The following ATG2A variants were observed in gnomAD, a reference collection of about 807,000 sequenced individuals.
ATG2A encodes autophagy related 2A, also known as autophagy-related protein 2 homolog A.
Under a neutral mutation model 214.2 loss-of-function variants are expected in ATG2A, and 103 were observed. That is an observed-to-expected ratio of 0.48 (90% CI 0.41 to 0.57). The LOEUF (loss-of-function observed/expected upper bound fraction) is 0.57, where lower values mean the gene tolerates loss of function less well. Ranked by LOEUF, ATG2A falls within the 20% of genes least tolerant of loss-of-function variation. The pLI, the probability that ATG2A is intolerant of heterozygous loss-of-function variation, is 0.00. For synonymous variants in ATG2A, 1,160 were observed against 1,142.1 expected (o/e 1.02, Z -0.32); for missense variants, 2,312 against 2,613.2 (o/e 0.88, Z 2.51).
In ATG2A at chr11:64,898,773, C is replaced by T. The variant is rs1944249436; in HGVS notation, c.4534G>A (p.Glu1512Lys). 6.2e-7 allele frequency: 1 copy of T among 1,613,740 alleles called. No homozygotes were observed. The highest frequency in any genetic ancestry group is 1.3e-5 in the African/African-American group (1 of 74,942). ...TGPAAPSQEL[E>K]ERPLSRQVFI... ...ACCTGACGGGACAGCGGTCGCTCCT[C>T]CAGCTCCTGGCTGGGGGCCGCAGGG... The change falls in exon 32 of 41, where the codon GAG becomes AAG. Residue 1512 changes from glutamate to lysine, a missense_variant. Glu to Lys is a moderately conservative substitution (Grantham distance 56). Transcript: ENST00000377264. The surrounding 1 kb of genome is among the most constrained non-coding windows in gnomAD (Gnocchi z 4.5).
rs1330480348 is a variant in ATG2A, at chr11:64,914,317, CCAGCCTCGCCCTGCCCT to C, written c.334+4_334+20del. 1 of 1,577,228 alleles carries C rather than the reference CCAGCCTCGCCCTGCCCT, an allele frequency of 6.3e-7. No homozygotes were observed. Among genetic ancestry groups the C allele is most frequent in the African/African-American group, 1.3e-5 (1 of 74,272 alleles). On this transcript the variant is annotated splice_donor_5th_base_variant and intron_variant, in intron 2 of 40. Coordinates refer to ENST00000377264, the MANE Select transcript of ATG2A (RefSeq NM_015104.3). ...GCCCACTCTCCCCACTTGCCTGCCCCCAGCCTCGCCCTGCCCTCACCTGGACCCCGGCGGGGCTGCAA... is the reference window on the plus strand; with the variant it reads ...GCCCACTCTCCCCACTTGCCTGCCCCCACCTGGACCCCGGCGGGGCTGCAA...
intron 9 of ATG2A, 131 bp from the exon 10 acceptor site, chr11:64,911,406 G>A: frequency 4.4e-6 from 4 of 908,632 alleles, no homozygotes; most frequent in Middle Eastern, 5.9e-4. Context: ...CAGAAGGCTT[G>A]GTCAGGCAGG....
intron 21 of ATG2A, 61 bp downstream of exon 21, chr11:64,906,273 A>G: frequency 6.2e-7 from 1 of 1,607,036 alleles, no homozygotes; most frequent in East Asian, 2.2e-5. Flanking sequence ...CTGGGGTCCC[A>G]CCGCACACCG....
In ATG2A at chr11:64,903,001, G is replaced by A. The variant is rs1022605267; in HGVS notation, c.3612+287C>T. On this transcript the variant is annotated intron_variant, in intron 26 of 40. Coordinates refer to ENST00000377264, the MANE Select transcript of ATG2A (RefSeq NM_015104.3). This position sits in a 1 kb window ranked among gnomAD's most constrained non-coding sequence, Gnocchi z 4.2. ...TCTCCATCTTACAGGAGATGAATCC[G>A]GGGACCTACAAAGGTGGCTGATTCC... Among the ~76,000 whole-genome samples the A allele has an allele frequency of 6.8e-6, 1 of 146,200 alleles. No individual in the cohort carries two copies. Among genetic ancestry groups the A allele is most frequent in the Non-Finnish European group, 1.5e-5 (1 of 66,894 alleles).
chr11:64,895,793 G>A lies in ATG2A; in HGVS notation c.5428-351C>T, dbSNP rs868248141. 6.6e-5 allele frequency among the ~76,000 whole-genome samples: 10 copies of A among 152,172 alleles called. No homozygotes were observed. Among genetic ancestry groups the A allele is most frequent in the South Asian group, 2.1e-4 (1 of 4,826 alleles). On this transcript the variant is annotated intron_variant, in intron 39 of 40. Coordinates refer to ENST00000377264, the MANE Select transcript of ATG2A (RefSeq NM_015104.3). The surrounding 1 kb of genome is among the most constrained non-coding windows in gnomAD (Gnocchi z 5.0). ...CCGCTCCTTGCCTGGCCCCCCAGAC[G>A]CCCCTGCCAGATGGTCAGAGGCCCA...
chr11:64,910,016 C>T, intron 13 of ATG2A, 24 bp downstream of exon 13: 1 of 1,559,588 alleles, frequency 6.4e-7, no homozygotes, highest in Admixed American at 1.8e-5. Context: ...CACCCCCGGC[C>T]TGGCCCTGGC....
At position 64,898,204 on chromosome 11, in the gene ATG2A, C is replaced by CA; in HGVS notation, c.4774-35dup. On this transcript the variant is annotated intron_variant, in intron 33 of 40. Coordinates refer to ENST00000377264, the MANE Select transcript of ATG2A (RefSeq NM_015104.3). This position sits in a 1 kb window ranked among gnomAD's most constrained non-coding sequence, Gnocchi z 4.5. ...GAGAGGTCCAGATGTGGATCAGACTCAGAGGCCTGGAGACAGTGGGGTCAC... is the reference window on the plus strand; with the variant it reads ...GAGAGGTCCAGATGTGGATCAGACTCAAGAGGCCTGGAGACAGTGGGGTCAC... The CA allele has an allele frequency of 6.2e-7, 1 of 1,613,818 alleles. No homozygotes were observed. The highest frequency in any genetic ancestry group is 1.1e-5 in the South Asian group (1 of 91,070).
At chr11:64,900,721 C>G in intron 30 of ATG2A, 92 bp from the exon 31 acceptor site, 2 of 1,463,196 alleles carry the variant, frequency 1.4e-6, no homozygotes, top group South Asian at 1.4e-5. Flanking sequence ...AAGAGACCCC[C>G]GCTAGCCCCA....
Position 64,897,891 on chromosome 11 carries a change from G to C in ATG2A, c.4942C>G (p.Pro1648Ala). The C allele has an allele frequency of 6.4e-7, 1 of 1,571,504 alleles. No individual in the cohort carries two copies. The highest frequency in any genetic ancestry group is 8.6e-7 in the Non-Finnish European group (1 of 1,158,048). The part of the protein sequence containing the change: ...GVETTGSQEA[P>A]GGGHSPSPPD... ...GGGGAGGGGCTGTGTCCACCTCCTG[G>C]GGCCTCCTGCGAACCAGTGGTCTCT... Residue 1648 changes from proline (P) to alanine (A), a missense_variant, in exon 35 of 41, where the codon CCA becomes GCA. Transcript: ENST00000377264.
intron 23 of ATG2A, 35 bp downstream of exon 23, chr11:64,905,707 C>A (rs1297380715): frequency 1.9e-6 from 3 of 1,613,550 alleles, no homozygotes; most frequent in African/African-American, 2.7e-5. Context: ...AGAGCCCATC[C>A]CCGTCCCCAG....
In ATG2A at chr11:64,910,044, A is replaced by G; in HGVS notation, c.1859T>C (p.Leu620Pro). Reference sequence around the variant, plus strand: ...GCCCTGGCAGGGGCCTCTCACCAGCAGGCCGGCTGGAGGCTCAGCAGGTAC... The same window carrying G: ...GCCCTGGCAGGGGCCTCTCACCAGCGGGCCGGCTGGAGGCTCAGCAGGTAC... ...ATVPAEPPAG[L>P]LTEPLPAMEQ... is the part of the protein sequence containing the mutation. Residue 620 changes from leucine (L) to proline (P), a missense_variant, in exon 13 of 41, where the codon CTG (leucine) becomes CCG (proline). By Grantham distance (98) the Leu-to-Pro change is moderately conservative (BLOSUM62 -3). Transcript: ENST00000377264. 6.3e-7 allele frequency: 1 copy of G among 1,577,726 alleles called. No individual in the cohort carries two copies. Among genetic ancestry groups the G allele is most frequent in the Non-Finnish European group, 8.6e-7 (1 of 1,162,792 alleles).
chr11:64,915,895 T>TCACAGACAGCAGGCCA (rs1944963187), intron 1 of ATG2A, among the ~76,000 whole-genome samples: 2 of 152,184 alleles, frequency 1.3e-5, no homozygotes, highest in African/African-American at 4.8e-5. Flanking sequence ...ACACCAGAAT[T>TCACAGACAGCAGGCCA]CACAGACAGC....
chr11:64,914,137 G>A lies in ATG2A; in HGVS notation c.431C>T (p.Ser144Phe), dbSNP rs751979027. 2.3e-5 allele frequency: 35 copies of A among 1,552,978 alleles called. No homozygotes were observed. Among genetic ancestry groups the A allele is most frequent in the Non-Finnish European group, 3.0e-5 (35 of 1,148,160 alleles). ...CCCCTCCAGGGGCTGTGGTGGCTCA[G>A]AGGGCTCCGGTAGCCCATCCCGCAG... The part of the protein sequence containing the change: ...ECLRDGLPEP[S>F]EPPQPLEGLE... Residue 144 changes from serine (S) to phenylalanine (F), a missense_variant, in exon 3 of 41, where the codon TCT (serine) becomes TTT (phenylalanine). Ser to Phe is a radical substitution (Grantham distance 155). Coordinates refer to ENST00000377264, the MANE Select transcript of ATG2A (RefSeq NM_015104.3).
At chr11:64,904,664 A>T (rs1237053887) in intron 24 of ATG2A, among the ~76,000 whole-genome samples, 1 of 152,210 alleles carries the variant, frequency 6.6e-6, no homozygotes, top group Non-Finnish European at 1.5e-5. Context: ...TAATTCTGAG[A>T]AAACCACCAT....
rs1944259990 is a variant in ATG2A at position 64,898,994 on chromosome 11, AC to A, written c.4465-153del. 1.5e-6 allele frequency: 1 copy of A among 689,470 alleles called. No individual in the cohort carries two copies. The highest frequency in any genetic ancestry group is 1.8e-5 in the African/African-American group (1 of 55,420). The allele number at this position is 689,470 out of a possible 1,614,324, so 42.7% of individuals were successfully genotyped here. A position where few individuals can be genotyped will look rare whatever the true frequency, so the allele number is the denominator to read the frequency against. On this transcript the variant is annotated intron_variant, in intron 31 of 40. Transcript: ENST00000377264. The surrounding 1 kb of genome is among the most constrained non-coding windows in gnomAD (Gnocchi z 4.5). ...AGTGGCGTGATCTCGGCTCACTGCA[AC>A]CTCTGCCTCTCGGGTTCAAGCGATT...
rs750807898 is a variant in ATG2A, at chr11:64,914,388, G to T, written c.284C>A (p.Thr95Lys). 6.2e-7 allele frequency: 1 copy of T among 1,611,744 alleles called. No homozygotes were observed. Among genetic ancestry groups the T allele is most frequent in the South Asian group, 1.1e-5 (1 of 90,792 alleles). ...PWAALLTDHC[T>K]VRVSGLQLTL... ...GAGCTGGAGGCCGGACACGCGCACT[G>T]TGCAGTGGTCGGTGAGCAGAGCAGC... The change falls in exon 2 of 41, where the codon ACA becomes AAA. Residue 95 changes from threonine to lysine, a missense_variant. By Grantham distance (78) the Thr-to-Lys change is moderately conservative (BLOSUM62 -1). Transcript: ENST00000377264.
chr11:64,906,927 C>T, intron 19 of ATG2A, 112 bp from the exon 20 acceptor site: 6 of 1,306,730 alleles, frequency 4.6e-6, no homozygotes, highest in Non-Finnish European at 6.2e-6. Flanking sequence ...CTCCAGTTTC[C>T]ACCATGGACG....
In ATG2A at chr11:64,903,662, TG is replaced by T. The variant is rs1555184361; in HGVS notation, c.3465-3del. 5 of 1,548,954 alleles carry T rather than the reference TG, an allele frequency of 3.2e-6. No homozygotes were observed. Among genetic ancestry groups the T allele is most frequent in the Admixed American group, 2.0e-5 (1 of 50,926 alleles). ...AAGGCGGAGTCATCGAGGATGAACCTGGGGGGGAACAGGGCTGAGAAGGGCC... is the reference window on the plus strand; with the variant it reads ...AAGGCGGAGTCATCGAGGATGAACCTGGGGGGAACAGGGCTGAGAAGGGCC... On this transcript the variant is annotated splice_region_variant and splice_polypyrimidine_tract_variant and intron_variant, in intron 24 of 40. Coordinates refer to ENST00000377264, the MANE Select transcript of ATG2A (RefSeq NM_015104.3). This position sits in a 1 kb window ranked among gnomAD's most constrained non-coding sequence, Gnocchi z 4.2.
In ATG2A at chr11:64,897,822, G is replaced by C; in HGVS notation, c.4994+17C>G. 1.2e-6 allele frequency: 2 copies of C among 1,612,504 alleles called. No homozygotes were observed. The highest frequency in any genetic ancestry group is 1.7e-6 in the Non-Finnish European group (2 of 1,178,964). ...CAATCTGGCCCAGGGCCCCCCACCC[G>C]CAGTCCAGCAGCCTACCTGAAGTAG... is the stretch of plus-strand genomic sequence containing the variant. On this transcript the variant is annotated intron_variant, in intron 35 of 40. Transcript: ENST00000377264.
Sources: gnomAD v4.1 joint callset for allele counts (sites outside exome capture counted in the v4.1 genomes callset) on GRCh38, gnomAD v4.1.1 for gene constraint, Gnocchi (gnomAD v3.1) non-coding constraint, MANE v1.5 for transcripts, NCBI Gene and HGNC (gene_info 2026-07-23, HGNC 2026-07-21) for gene names.